The following DHRSX variants were observed in gnomAD, a reference collection of about 807,000 sequenced individuals.
DHRSX encodes polyprenol dehydrogenase.
A neutral mutation model predicts 34.0 loss-of-function variants in DHRSX; 31 were observed. The observed-to-expected ratio is 0.91, with a 90% CI of 0.69 to 1.23. The LOEUF is 1.23. Ranked by LOEUF, DHRSX falls within the 50% of genes most tolerant of loss-of-function variation. The probability of loss-of-function intolerance (pLI) is 0.00; values close to 1 mark genes in which losing one functional copy is unlikely to be tolerated. For synonymous variants in DHRSX, 201 were observed against 183.8 expected (o/e 1.09, Z -0.76); for missense variants, 414 against 428.1 (o/e 0.97, Z 0.29).
intron 6 of DHRSX, among the ~76,000 whole-genome samples, chrX:2,230,713 A>T (rs2015857123): frequency 6.6e-6 from 1 of 152,152 alleles, no homozygotes; most frequent in Admixed American, 6.6e-5. Context: ...TCCACTCCAG[A>T]CTGTGACAGG....
At chrX:2,410,676 G>C (rs1441321678) in intron 2 of DHRSX, among the ~76,000 whole-genome samples, 2 of 152,128 alleles carry the variant, frequency 1.3e-5, no homozygotes, top group African/African-American at 2.4e-5. Flanking sequence ...TTAACTATTA[G>C]AATGCACTTT....
chrX:2,485,428 T>G (rs2044864605), intron 1 of DHRSX, among the ~76,000 whole-genome samples: 1 of 147,952 alleles, frequency 6.8e-6, no homozygotes, highest in East Asian at 2.0e-4. Flanking sequence ...GAGGTGCACA[T>G]CCCGGCCTTC....
chrX:2,488,670 C>G (rs143280726), intron 1 of DHRSX: 2 of 1,610,816 alleles, frequency 1.2e-6, no homozygotes, highest in East Asian at 4.5e-5. Context: ...CCAAAGAAAC[C>G]GCCGCTGACG....
At chrX:2,397,305 T>C (rs2043424259) in intron 3 of DHRSX, among the ~76,000 whole-genome samples, 1 of 152,066 alleles carries the variant, frequency 6.6e-6, no homozygotes, top group African/African-American at 2.4e-5. Flanking sequence ...GACTGATTTG[T>C]TAATATTTTG....
At chrX:2,489,125 A>C in intron 1 of DHRSX, 1 of 1,613,548 alleles carries the variant, frequency 6.2e-7, no homozygotes, top group Non-Finnish European at 8.5e-7. Flanking sequence ...TGTCCGCATG[A>C]GCTTCTTGAC....
chrX:2,431,713 G>C (rs2043925524), intron 1 of DHRSX, among the ~76,000 whole-genome samples: 1 of 152,118 alleles, frequency 6.6e-6, no homozygotes, highest in South Asian at 2.1e-4. Flanking sequence ...ATCAAGTACA[G>C]ATGGACATAA....
intron 3 of DHRSX, among the ~76,000 whole-genome samples, chrX:2,297,277 C>G (rs1038002183): frequency 6.6e-6 from 1 of 152,158 alleles, no homozygotes; most frequent in African/African-American, 2.4e-5. Context: ...TGCGCAGCAC[C>G]ACGCCTGGCT....
intron 3 of DHRSX, among the ~76,000 whole-genome samples, chrX:2,323,469 G>GAT (rs1285748822): frequency 3.3e-5 from 5 of 152,178 alleles, no homozygotes; most frequent in South Asian, 4.1e-4. Flanking sequence ...CCCCAGAATA[G>GAT]ATATGTTTTT....
At chrX:2,410,897 G>A (rs2043618836) in intron 2 of DHRSX, among the ~76,000 whole-genome samples, 1 of 152,186 alleles carries the variant, frequency 6.6e-6, no homozygotes, top group African/African-American at 2.4e-5. Context: ...TCAGAAGACT[G>A]AAGCTGCAAA....
At chrX:2,270,196 C>T (rs1457163823) in intron 4 of DHRSX, among the ~76,000 whole-genome samples, 1 of 152,100 alleles carries the variant, frequency 6.6e-6, no homozygotes, top group Non-Finnish European at 1.5e-5. Context: ...CATTTGTGTA[C>T]CTGCCTGTGT....
chrX:2,335,720 G>A (rs2042550992), intron 3 of DHRSX, among the ~76,000 whole-genome samples: 1 of 151,954 alleles, frequency 6.6e-6, no homozygotes, highest in Non-Finnish European at 1.5e-5. Flanking sequence ...CCAAAGTGCT[G>A]GGATTACAGG....
intron 3 of DHRSX, among the ~76,000 whole-genome samples, chrX:2,379,907 G>A (rs1432836489): frequency 6.6e-6 from 1 of 151,882 alleles, no homozygotes; most frequent in African/African-American, 2.4e-5. Flanking sequence ...CAACACACTC[G>A]TCAACACATC....
At chrX:2,302,681 C>T (rs1029430882) in intron 3 of DHRSX, among the ~76,000 whole-genome samples, 4 of 152,014 alleles carry the variant, frequency 2.6e-5, no homozygotes, top group Admixed American at 2.6e-4. Context: ...CTGAATCAGA[C>T]GGCTGCCACT....
chrX:2,456,562 T>C, intron 1 of DHRSX, among the ~76,000 whole-genome samples: 1 of 142,702 alleles, frequency 7.0e-6, no homozygotes, highest in East Asian at 2.0e-4. Flanking sequence ...TGCAGTGAGC[T>C]GACATCACAG....
intron 6 of DHRSX, among the ~76,000 whole-genome samples, chrX:2,237,845 G>A (rs1268137283): frequency 6.6e-6 from 1 of 152,030 alleles, no homozygotes; most frequent in Non-Finnish European, 1.5e-5. Flanking sequence ...TGAGACAACT[G>A]GGGTGGGAAG....
chrX:2,344,909 ATATATAC>A (rs1444599205), intron 3 of DHRSX, among the ~76,000 whole-genome samples: 1 of 97,730 alleles, frequency 1.0e-5, no homozygotes, highest in Non-Finnish European at 2.3e-5. Context: ...ATATATATAT[ATATATAC>A]TGTATTTATT....
At chrX:2,289,828 C>T (rs1399720233) in intron 4 of DHRSX, among the ~76,000 whole-genome samples, 3 of 152,186 alleles carry the variant, frequency 2.0e-5, no homozygotes, top group African/African-American at 7.2e-5. Context: ...ACTTCAGATC[C>T]CACCAGGATG....
intron 3 of DHRSX, among the ~76,000 whole-genome samples, chrX:2,378,199 C>G (rs1249039210): frequency 6.6e-6 from 1 of 152,216 alleles, no homozygotes; most frequent in African/African-American, 2.4e-5. Flanking sequence ...ACGGGCTCTG[C>G]CCTTGGATGA....
chrX:2,392,576 T>C (rs1416305634), intron 3 of DHRSX: 1 of 172,504 alleles, frequency 5.8e-6, no homozygotes, highest in African/African-American at 2.4e-5. Context: ...TATGTTACAA[T>C]GTTTATTTAT....
Sources: gnomAD v4.1 joint callset for allele counts (sites outside exome capture counted in the v4.1 genomes callset) on GRCh38, gnomAD v4.1.1 for gene constraint, MANE v1.5 for transcripts, NCBI Gene and HGNC (gene_info 2026-07-23, HGNC 2026-07-21) for gene names.